The following TEAD2 variants were observed in gnomAD, a reference collection of about 807,000 sequenced individuals.
TEAD2 encodes TEA domain transcription factor 2, also known as transcriptional enhancer factor TEF-4.
A neutral mutation model predicts 61.4 loss-of-function variants in TEAD2; 51 were observed. The ratio of observed to expected loss-of-function variants is 0.83; its 90% CI spans 0.66 to 1.05. The LOEUF (loss-of-function observed/expected upper bound fraction) is 1.05. TEAD2 is among the 50% of genes least tolerant of loss of function. The probability of loss-of-function intolerance (pLI) is 0.00; values close to 1 mark genes in which losing one functional copy is unlikely to be tolerated. For synonymous variants in TEAD2, 244 were observed against 243.2 expected (o/e 1.00, Z -0.03); for missense variants, 509 against 600.0 (o/e 0.85, Z 1.58).
rs1208812506 is a variant in TEAD2, at chr19:49,362,377, C to G, written c.-51G>C. On this transcript the variant is annotated 5_prime_UTR_variant, in exon 1 of 13. Transcript: ENST00000593945. ...CTCCCGCCGGCGCCTTCCTACCTCC[C>G]GGCCTGGGGCTGGGGAGCCGCGGGC... The G allele has an allele frequency of 6.6e-6, 1 of 152,190 alleles. No individual in the cohort carries two copies. Among genetic ancestry groups the G allele is most frequent in the East Asian group, 1.9e-4 (1 of 5,184 alleles). The allele number at this position is 152,190 out of a possible 1,614,324, so 9.4% of individuals were successfully genotyped here.
At chr19:49,358,283 C>T (rs939061625) in intron 3 of TEAD2, among the ~76,000 whole-genome samples, 1 of 151,810 alleles carries the variant, frequency 6.6e-6, no homozygotes, top group Non-Finnish European at 1.5e-5. Context: ...GATGTGGAGG[C>T]GCATGCTTGT....
rs1972685397 is a variant in TEAD2 at position 49,359,705 on chromosome 19, T to C, written c.232+139A>G. On this transcript the variant is annotated intron_variant, in intron 2 of 12. Coordinates refer to ENST00000593945, the MANE Select transcript of TEAD2 (RefSeq NM_001256660.2). The surrounding 1 kb of genome is among the most constrained non-coding windows in gnomAD (Gnocchi z 4.1). ...CTGGCTCTGTGCGACCATAAGCAAA[T>C]CACTTAACCTAGCTGTGCCTCAGTT... 3.3e-5 allele frequency: 35 copies of C among 1,065,866 alleles called. No individual in the cohort carries two copies. The highest frequency in any genetic ancestry group is 4.4e-5 in the Non-Finnish European group (32 of 721,750). 66.0% of individuals were successfully genotyped at this position (1,065,866 alleles called of 1,614,324 possible).
At position 49,341,314 on chromosome 19, in the gene TEAD2, G is replaced by A. The variant is rs770270703; in HGVS notation, c.*10C>T. 6 of 1,612,564 alleles carry A rather than the reference G, an allele frequency of 3.7e-6. No individual in the cohort carries two copies. The South Asian group carries it at 4.4e-5, about 12-fold the overall frequency. On this transcript the variant is annotated 3_prime_UTR_variant, in exon 13 of 13. Transcript: ENST00000593945. The surrounding 1 kb of genome is among the most constrained non-coding windows in gnomAD (Gnocchi z 4.2). ...TGTTCTGGGGGGTGAGCCAGTTTTG[G>A]GGTCCCCCTTCAGTCCCTGACCAGG...
Position 49,348,785 on chromosome 19 carries a change from C to T in TEAD2, c.665G>A (p.Trp222Ter). The change falls in exon 9 of 13, where the codon TGG becomes TAG. Residue 222 changes from tryptophan (W) to a stop codon, truncating the protein, a stop_gained. Transcript: ENST00000593945. LOFTEE classifies it high-confidence loss of function. Reference protein sequence around the residue: ...LPPPTPSPPAWQARGLGTARL... With the variant: ...LPPPTPSPPA ...GGCGGTGCCCAGGCCCCGAGCCTGC[C>T]AGGCTGGGGGCGATGGGGTAGGTGG... 6.2e-7 allele frequency: 1 copy of T among 1,612,726 alleles called. No homozygotes were observed. Among genetic ancestry groups the T allele is most frequent in the Admixed American group, 1.7e-5 (1 of 59,752 alleles).
At chr19:49,353,721 A>G (rs1972172483) in intron 7 of TEAD2, among the ~76,000 whole-genome samples, 1 of 148,578 alleles carries the variant, frequency 6.7e-6, no homozygotes. Context: ...CCCATTCAGC[A>G]GCAGCTCCCC....
At chr19:49,348,608 A>T in intron 9 of TEAD2, 95 bp downstream of exon 9, 1 of 1,146,800 alleles carries the variant, frequency 8.7e-7, no homozygotes, top group South Asian at 1.3e-5. Context: ...ATTCTGATAC[A>T]TGCTAAAGTT....
In TEAD2 at chr19:49,347,315, C is replaced by T. The variant is rs750020999; in HGVS notation, c.796G>A (p.Gly266Arg). 8.7e-6 allele frequency: 14 copies of T among 1,613,200 alleles called. No homozygotes were observed. The East Asian group carries it at 1.6e-4, about 18-fold the overall frequency. The change falls in exon 10 of 13, where the codon GGA becomes AGA. Residue 266 changes from glycine (G) to arginine (R), a missense_variant. Gly to Arg is a moderately radical substitution (Grantham distance 125). Coordinates refer to ENST00000593945, the MANE Select transcript of TEAD2 (RefSeq NM_001256660.2). The part of the protein sequence containing the change: ...VHISQHCPSP[G>R]APPLESVDVR... Reference sequence around the variant, plus strand: ...TCCACACTCTCGAGCGGCGGCGCTCCGGGGCTGGGGCAGTGCTGGCTGATG... The same window carrying T: ...TCCACACTCTCGAGCGGCGGCGCTCTGGGGCTGGGGCAGTGCTGGCTGATG...
intron 11 of TEAD2, 147 bp from the exon 12 acceptor site, chr19:49,342,737 G>C: frequency 9.9e-7 from 1 of 1,007,456 alleles, no homozygotes; most frequent in Non-Finnish European, 1.5e-6. Context: ...CACAGTGACT[G>C]GAGACTGGGC....
intron 10 of TEAD2, among the ~76,000 whole-genome samples, chr19:49,346,094 G>A (rs1971610076): frequency 6.7e-6 from 1 of 150,026 alleles, no homozygotes; most frequent in African/African-American, 2.5e-5. Flanking sequence ...GAACCCAGGA[G>A]GCAGAGGTTG....
Position 49,359,826 on chromosome 19 carries a change from A to G in TEAD2, c.232+18T>C. On this transcript the variant is annotated intron_variant, in intron 2 of 12. Transcript: ENST00000593945. This position sits in a 1 kb window ranked among gnomAD's most constrained non-coding sequence, Gnocchi z 4.1. ...ATTCATCAGTGGGGGCCAGGGCAAA[A>G]GACAGAAGTAGACTCACCATACATC... is the stretch of plus-strand genomic sequence containing the variant. 6.2e-7 allele frequency: 1 copy of G among 1,611,000 alleles called. No homozygotes were observed. Among genetic ancestry groups the G allele is most frequent in the Non-Finnish European group, 8.5e-7 (1 of 1,178,618 alleles).
rs773322577 is a variant in TEAD2 at position 49,342,603 on chromosome 19, G to T, written c.1090-13C>A. 2.5e-6 allele frequency: 4 copies of T among 1,604,618 alleles called. No homozygotes were observed. The East Asian group carries it at 9.0e-5, about 36-fold the overall frequency. On this transcript the variant is annotated splice_polypyrimidine_tract_variant and intron_variant, in intron 11 of 12. Transcript: ENST00000593945. ...GGGCCCGTTCCGTCTGAACCAAGGG[G>T]AAGGGAGTTGGGAAAATGGTGGCTG...
Position 49,341,479 on chromosome 19 carries a change from AG to A in TEAD2, c.1243-43del, listed in dbSNP as rs559155022. On this transcript the variant is annotated intron_variant, in intron 12 of 12. Transcript: ENST00000593945. The surrounding 1 kb of genome is among the most constrained non-coding windows in gnomAD (Gnocchi z 4.2). ...GACAAGGGACTTATGCTTAGAAGGG[AG>A]GGCAGGGACCCCTGTGCCCCCCTGC... 3.7e-3 allele frequency: 5,696 copies of A among 1,550,426 alleles called. 21 individuals are homozygous for A. The highest frequency in any genetic ancestry group is 4.0e-3 in the Non-Finnish European group (4,460 of 1,123,806).
chr19:49,349,102 CCCT>C (rs1232961188), intron 8 of TEAD2: 1 of 366,538 alleles, frequency 2.7e-6, no homozygotes, highest in African/African-American at 2.1e-5. Context: ...AAGCTTTTGG[CCCT>C]GGCCAAGTCC....
chr19:49,358,127 A>G (rs1972526773), intron 3 of TEAD2, among the ~76,000 whole-genome samples: 1 of 152,224 alleles, frequency 6.6e-6, no homozygotes, highest in Non-Finnish European at 1.5e-5. Context: ...CCAGCTACTC[A>G]GGAGGCTGAA....
chr19:49,341,503 T>G lies in TEAD2; in HGVS notation c.1243-66A>C. On this transcript the variant is annotated intron_variant, in intron 12 of 12. Coordinates refer to ENST00000593945, the MANE Select transcript of TEAD2 (RefSeq NM_001256660.2). This position sits in a 1 kb window ranked among gnomAD's most constrained non-coding sequence, Gnocchi z 4.2. ...GAGGGCAGGGACCCCTGTGCCCCCC[T>G]GCCAAGCTATCATGGAATACCCAGC... is the stretch of plus-strand genomic sequence containing the variant. 1 of 1,316,252 alleles carries G rather than the reference T, an allele frequency of 7.6e-7. No homozygotes were observed. Among genetic ancestry groups the G allele is most frequent in the South Asian group, 1.2e-5 (1 of 83,582 alleles). 81.5% of individuals were successfully genotyped at this position (1,316,252 alleles called of 1,614,324 possible). A position where few individuals can be genotyped will look rare whatever the true frequency, so the allele number is the denominator to read the frequency against.
In TEAD2 at chr19:49,359,604, C is replaced by T; in HGVS notation, c.233-105G>A. On this transcript the variant is annotated intron_variant, in intron 2 of 12. Coordinates refer to ENST00000593945, the MANE Select transcript of TEAD2 (RefSeq NM_001256660.2). This position sits in a 1 kb window ranked among gnomAD's most constrained non-coding sequence, Gnocchi z 4.1. Reference sequence around the variant, plus strand: ...AGCAGCATGGGTCCCCAAAGGTCTGCAGCAAGTGGGCTGCCGGTCCCCTCA... The same window carrying T: ...AGCAGCATGGGTCCCCAAAGGTCTGTAGCAAGTGGGCTGCCGGTCCCCTCA... 4.4e-6 allele frequency: 6 copies of T among 1,364,930 alleles called. No individual in the cohort carries two copies. Among genetic ancestry groups the T allele is most frequent in the South Asian group, 1.2e-5 (1 of 82,814 alleles). The allele number at this position is 1,364,930 out of a possible 1,614,324, so 84.6% of individuals were successfully genotyped here. A position where few individuals can be genotyped will look rare whatever the true frequency, so the allele number is the denominator to read the frequency against.
rs763998448 is a variant in TEAD2, at chr19:49,359,903, G to A, written c.173C>T (p.Ala58Val). Residue 58 changes from alanine to valine, a missense_variant, in exon 2 of 13, where the codon GCC (alanine) becomes GTC (valine). Coordinates refer to ENST00000593945, the MANE Select transcript of TEAD2 (RefSeq NM_001256660.2). This position sits in a 1 kb window ranked among gnomAD's most constrained non-coding sequence, Gnocchi z 4.1. ...DIEQSFQEAL[A>V]IYPPCGRRKI... ...CCGGCGGCCGCAGGGTGGATAGATG[G>A]CCAGGGCCTCCTGGAAGCTCTGCTC... The A allele has an allele frequency of 1.2e-6, 2 of 1,613,472 alleles. No individual in the cohort carries two copies. The highest frequency in any genetic ancestry group is 1.1e-5 in the South Asian group (1 of 91,084).
intron 11 of TEAD2, 103 bp downstream of exon 11, chr19:49,343,128 C>G (rs1600701051): frequency 7.4e-7 from 1 of 1,359,246 alleles, no homozygotes; most frequent in East Asian, 2.4e-5. Context: ...GAGGCTGGGA[C>G]CCACTCCCTC....
chr19:49,351,475 A>G (rs577406418), intron 7 of TEAD2, 110 bp from the exon 8 acceptor site: 6 of 1,001,222 alleles, frequency 6.0e-6, no homozygotes, highest in South Asian at 4.8e-5. Flanking sequence ...TTTGTGCACA[A>G]TCTCACTGAA....
Sources: gnomAD v4.1 joint callset for allele counts (sites outside exome capture counted in the v4.1 genomes callset) on GRCh38, gnomAD v4.1.1 for gene constraint, Gnocchi (gnomAD v3.1) non-coding constraint, MANE v1.5 for transcripts, NCBI Gene and HGNC (gene_info 2026-07-23, HGNC 2026-07-21) for gene names.